Variants in CHD7 observed in about 807,000 individuals in gnomAD.
CHD7 encodes the protein chromodomain helicase DNA binding protein 7.
A neutral mutation model predicts 307.3 loss-of-function variants in CHD7; 24 were observed. The ratio of observed to expected loss-of-function variants is 0.08; its 90% CI spans 0.06 to 0.11. The LOEUF is 0.11. Among genes scored for constraint, CHD7 ranks in the 10% least tolerant of loss-of-function variants. The pLI is 1.00. For synonymous variants in CHD7, 1,363 were observed against 1,349.9 expected, an observed-to-expected ratio of 1.01 and a Z score of -0.21; for missense variants, 3,106 against 3,727.1, an observed-to-expected ratio of 0.83 and a Z score of 4.34.
intron 1 of CHD7, among the ~76,000 whole-genome samples, chr8:60,700,822 G>A (rs553326696): frequency 2.6e-5 from 4 of 152,284 alleles, no homozygotes; most frequent in South Asian, 2.1e-4. Context: ...GCCCAGTGCC[G>A]GACACACACA....
chr8:60,811,280 A>G (rs1053363860), intron 7 of CHD7, among the ~76,000 whole-genome samples: 3 of 152,182 alleles, frequency 2.0e-5, no homozygotes, highest in Admixed American at 2.0e-4. Flanking sequence ...AAAAGTCAGA[A>G]CTATACACAA....
intron 1 of CHD7, among the ~76,000 whole-genome samples, chr8:60,680,030 G>C (rs1199254139): frequency 6.6e-6 from 1 of 151,574 alleles, no homozygotes; most frequent in Non-Finnish European, 1.5e-5. Flanking sequence ...CCACCTTGTC[G>C]AGCTGGCCGG....
chr8:60,836,775 C>A, intron 16 of CHD7, 42 bp from the exon 17 acceptor site: 1 of 1,420,802 alleles, frequency 7.0e-7, no homozygotes, highest in South Asian at 1.3e-5. Flanking sequence ...AGTATGTTGT[C>A]GCTATGCGTC....
intron 7 of CHD7, among the ~76,000 whole-genome samples, chr8:60,813,230 T>C (rs1172617697): frequency 6.6e-6 from 1 of 152,220 alleles, no homozygotes; most frequent in Non-Finnish European, 1.5e-5. Flanking sequence ...AGACAATATG[T>C]TGGCTTCTGT....
intron 2 of CHD7, among the ~76,000 whole-genome samples, chr8:60,767,435 T>C (rs1006732946): frequency 1.3e-5 from 2 of 152,182 alleles, no homozygotes; most frequent in African/African-American, 4.8e-5. Context: ...AATTAGTCCT[T>C]GAGGCAGACT....
chr8:60,774,199 C>T (rs1810842328), intron 2 of CHD7, among the ~76,000 whole-genome samples: 1 of 152,154 alleles, frequency 6.6e-6, no homozygotes, highest in African/African-American at 2.4e-5. Flanking sequence ...GATTTTGTAG[C>T]AGAGCTCCTA....
intron 1 of CHD7, among the ~76,000 whole-genome samples, chr8:60,734,301 T>G (rs1808594804): frequency 6.6e-6 from 1 of 152,160 alleles, no homozygotes; most frequent in African/African-American, 2.4e-5. Context: ...GCAGGAGGTC[T>G]GAGGTGAGCC....
intron 3 of CHD7, among the ~76,000 whole-genome samples, chr8:60,791,681 T>C (rs544058214): frequency 1.3e-5 from 2 of 152,288 alleles, no homozygotes; most frequent in African/African-American, 4.8e-5. Flanking sequence ...TAGCCCTGCA[T>C]GTGGGGTGTG....
rs374004489 is a variant in CHD7 at position 60,865,896 on chromosome 8, G to C, written c.8957G>C (p.Gly2986Ala). 3.1e-6 allele frequency: 5 copies of C among 1,609,062 alleles called. No individual in the cohort carries two copies. The highest frequency in any genetic ancestry group is 4.2e-6 in the Non-Finnish European group (5 of 1,177,654). ...AQGEELDSLD[G>A]GDEIENNEND... ...GGTGAAGAGCTAGACTCACTTGATG[G>C]GGGGGATGAAATAGAAAACAATGAA... is the stretch of plus-strand genomic sequence containing the variant. Residue 2986 changes from glycine (G) to alanine (A), a missense_variant, in exon 38 of 38, where the codon GGG becomes GCG. By Grantham distance (60) the Gly-to-Ala change is moderately conservative. Around this residue, in one of 10 missense-constraint regions of CHD7, gnomAD observed 351 missense variants for 366.2 expected, o/e 0.96. Transcript: ENST00000423902. This position sits in a 1 kb window ranked among gnomAD's most constrained non-coding sequence, Gnocchi z 4.3.
intron 1 of CHD7, among the ~76,000 whole-genome samples, chr8:60,714,083 G>T (rs909351758): frequency 2.0e-5 from 3 of 151,616 alleles, no homozygotes; most frequent in Non-Finnish European, 4.4e-5. Context: ...GCAGAGCCAG[G>T]CCTCGGCGGG....
intron 1 of CHD7, among the ~76,000 whole-genome samples, chr8:60,723,900 T>C (rs993520125): frequency 2.0e-5 from 3 of 152,178 alleles, no homozygotes; most frequent in African/African-American, 7.2e-5. Context: ...TTTTAGCAAT[T>C]TAGGATATTT....
In CHD7 at chr8:60,828,643, C is replaced by G. The variant is rs772124310; in HGVS notation, c.3379-20C>G. ...GTTTTTGTTACAATTTGGTTAGTGGCTTTCCTTGTGTTACCTCAGGAACAC... is the reference window on the plus strand; with the variant it reads ...GTTTTTGTTACAATTTGGTTAGTGGGTTTCCTTGTGTTACCTCAGGAACAC... On this transcript the variant is annotated intron_variant, in intron 13 of 37. Coordinates refer to ENST00000423902, the MANE Select transcript of CHD7 (RefSeq NM_017780.4). 1 of 1,587,078 alleles carries G rather than the reference C, an allele frequency of 6.3e-7. No individual in the cohort carries two copies. The highest frequency in any genetic ancestry group is 1.4e-5 in the African/African-American group (1 of 73,694).
intron 1 of CHD7, among the ~76,000 whole-genome samples, chr8:60,705,157 G>C (rs1806959590): frequency 6.6e-6 from 1 of 152,262 alleles, no homozygotes; most frequent in Non-Finnish European, 1.5e-5. Flanking sequence ...AGATAAGTGT[G>C]GAGTCTAAAA....
chr8:60,820,799 T>C (rs549678033), intron 9 of CHD7, among the ~76,000 whole-genome samples: 13 of 152,226 alleles, frequency 8.5e-5, no homozygotes, highest in Non-Finnish European at 1.9e-4. Flanking sequence ...AAACTCTGTG[T>C]CATGACACTC....
intron 1 of CHD7, among the ~76,000 whole-genome samples, chr8:60,721,063 G>A (rs1349507297): frequency 6.6e-6 from 1 of 152,172 alleles, no homozygotes; most frequent in East Asian, 1.9e-4. Flanking sequence ...TCCCGGACCA[G>A]CAACATCAAC....
Position 60,856,576 on chromosome 8 carries a change from G to C in CHD7, c.7296G>C (p.Val2432=), listed in dbSNP as rs1430651059. 2 of 1,613,996 alleles carry C rather than the reference G, an allele frequency of 1.2e-6. No individual in the cohort carries two copies. Among genetic ancestry groups the C allele is most frequent in the South Asian group, 2.2e-5 (2 of 91,068 alleles). The change falls in exon 34 of 38, where the codon GTG becomes GTC. Residue 2432 remains valine (V), a synonymous_variant. Coordinates refer to ENST00000423902, the MANE Select transcript of CHD7 (RefSeq NM_017780.4). The stretch of plus-strand genomic sequence containing the variant: ...TTGCCCAGCTTCGAGAGTCTCAGGT[G>C]GTCTCAGAAAATGGACAAGAAAAAG... ...EMVAQLRESQ[V]VSENGQEKVV...
At chr8:60,790,291 C>G (rs1400063057) in intron 3 of CHD7, among the ~76,000 whole-genome samples, 6 of 152,098 alleles carry the variant, frequency 3.9e-5, no homozygotes, top group African/African-American at 1.4e-4. Flanking sequence ...TCTCTCTAGC[C>G]TCGTGAGTGG....
intron 16 of CHD7, 58 bp from the exon 17 acceptor site, chr8:60,836,759 G>C (rs1441069598): frequency 2.4e-6 from 3 of 1,229,586 alleles, no homozygotes; most frequent in Non-Finnish European, 3.5e-6. Context: ...ATTAAAAAAA[G>C]GAGCAAGTAT....
At chr8:60,752,749 A>G (rs921679321) in intron 2 of CHD7, among the ~76,000 whole-genome samples, 1 of 152,128 alleles carries the variant, frequency 6.6e-6, no homozygotes, top group Non-Finnish European at 1.5e-5. Flanking sequence ...AAATTGTGGG[A>G]TTTTTGCAAT....
Sources: gnomAD v4.1 joint callset for allele counts (sites outside exome capture counted in the v4.1 genomes callset) on GRCh38, gnomAD v4.1.1 for gene constraint, gnomAD v4.1.1 regional missense constraint, Gnocchi (gnomAD v3.1) non-coding constraint, MANE v1.5 for transcripts, NCBI Gene and HGNC (gene_info 2026-07-23, HGNC 2026-07-21) for gene names.